Variants in SCAF8 observed in about 807,000 individuals in gnomAD.
SCAF8 encodes SR-related and CTD-associated factor 8.
A neutral mutation model predicts 140.5 loss-of-function variants in SCAF8; 23 were observed. The observed-to-expected ratio is 0.16, with a 90% CI of 0.12 to 0.23. The LOEUF (loss-of-function observed/expected upper bound fraction) is 0.23, where lower values mean the gene tolerates loss of function less well. Among genes scored for constraint, SCAF8 ranks in the 10% least tolerant of loss-of-function variants. The pLI is 1.00. For synonymous variants in SCAF8, 575 were observed against 528.9 expected (o/e 1.09, Z -1.20); for missense variants, 1,397 against 1,555.7 (o/e 0.90, Z 1.72).
At chr6:154,807,947 G>A (rs1312987411) in intron 9 of SCAF8, 123 bp from the exon 10 acceptor site, 1 of 774,842 alleles carries the variant, frequency 1.3e-6, no homozygotes, top group Non-Finnish European at 2.0e-6. Flanking sequence ...ATTTAACATG[G>A]AATTTCTTTT....
chr6:154,827,837 G>GT (rs1241733573), intron 18 of SCAF8, among the ~76,000 whole-genome samples: 1 of 148,276 alleles, frequency 6.7e-6, no homozygotes, highest in Non-Finnish European at 1.5e-5. Flanking sequence ...GGCGGGGCGG[G>GT]GGGGGGGGCG....
intron 1 of SCAF8, among the ~76,000 whole-genome samples, chr6:154,739,618 T>A (rs1236129250): frequency 6.6e-6 from 1 of 152,250 alleles, no homozygotes; most frequent in East Asian, 1.9e-4. Context: ...TACCTTTAGT[T>A]ATATTTAGGA....
At chr6:154,760,304 A>C (rs1583010075) in intron 1 of SCAF8, among the ~76,000 whole-genome samples, 1 of 152,258 alleles carries the variant, frequency 6.6e-6, no homozygotes, top group East Asian at 1.9e-4. Context: ...TAAATAGATA[A>C]AATAAAATTC....
chr6:154,825,756 T>C (rs1265233867), intron 17 of SCAF8, among the ~76,000 whole-genome samples: 1 of 151,264 alleles, frequency 6.6e-6, no homozygotes, highest in African/African-American at 2.4e-5. Flanking sequence ...GCAAGTGATC[T>C]TCCCACCTCA....
intron 1 of SCAF8, among the ~76,000 whole-genome samples, chr6:154,757,412 A>G (rs976973360): frequency 6.6e-6 from 1 of 152,230 alleles, no homozygotes; most frequent in African/African-American, 2.4e-5. Flanking sequence ...ATCATCAGTT[A>G]TGGCTTTGGC....
intron 1 of SCAF8, among the ~76,000 whole-genome samples, chr6:154,736,318 T>A (rs1778419670): frequency 7.0e-6 from 1 of 143,546 alleles, no homozygotes. Flanking sequence ...TTGCCCAGGC[T>A]GGAGTGCAAT....
At chr6:154,820,051 T>C (rs112616642) in intron 14 of SCAF8, 126 bp from the exon 15 acceptor site, 1 of 672,358 alleles carries the variant, frequency 1.5e-6, no homozygotes. Flanking sequence ...AGCTTTGCTT[T>C]TCCAGCTGTT....
intron 2 of SCAF8, among the ~76,000 whole-genome samples, chr6:154,775,676 A>T (rs1776896053): frequency 6.6e-6 from 1 of 152,170 alleles, no homozygotes; most frequent in Admixed American, 6.5e-5. Context: ...AGGCTGAGGC[A>T]GGAGGATCAC....
chr6:154,779,781 G>GTGTGTA (rs1212419688), intron 3 of SCAF8, among the ~76,000 whole-genome samples: 2 of 144,174 alleles, frequency 1.4e-5, no homozygotes, highest in Admixed American at 7.0e-5. Context: ...GTGTGTGTGT[G>GTGTGTA]TATATATATA....
chr6:154,795,512 G>A (rs1360645957), intron 6 of SCAF8, among the ~76,000 whole-genome samples: 3 of 152,188 alleles, frequency 2.0e-5, no homozygotes, highest in Non-Finnish European at 4.4e-5. Context: ...AGTGATTAAT[G>A]ACATTAAGAA....
At chr6:154,769,042 G>A (rs565685101) in intron 1 of SCAF8, among the ~76,000 whole-genome samples, 1 of 134,116 alleles carries the variant, frequency 7.5e-6, no homozygotes, top group Non-Finnish European at 1.6e-5. Flanking sequence ...CAGCGTGGGC[G>A]ACAGAGTGAG....
chr6:154,737,806 C>T (rs953666994), intron 1 of SCAF8, among the ~76,000 whole-genome samples: 1 of 152,098 alleles, frequency 6.6e-6, no homozygotes, highest in African/African-American at 2.4e-5. Context: ...TGGTCATGAA[C>T]TCCTGAGCTC....
chr6:154,767,866 G>A (rs1321261470), intron 1 of SCAF8, among the ~76,000 whole-genome samples: 1 of 151,980 alleles, frequency 6.6e-6, no homozygotes, highest in Non-Finnish European at 1.5e-5. Context: ...CATTTTTTAA[G>A]CCATACTTCT....
chr6:154,812,383 A>G (rs1417696452), intron 12 of SCAF8, among the ~76,000 whole-genome samples: 2 of 148,452 alleles, frequency 1.3e-5, no homozygotes, highest in Non-Finnish European at 3.0e-5. Flanking sequence ...CACACTTAAT[A>G]GGTTACAGTG....
chr6:154,795,822 G>A (rs1777584949), intron 6 of SCAF8, among the ~76,000 whole-genome samples: 1 of 152,016 alleles, frequency 6.6e-6, no homozygotes, highest in African/African-American at 2.4e-5. Flanking sequence ...ATAATACCAG[G>A]TTTTTCCATT....
intron 11 of SCAF8, among the ~76,000 whole-genome samples, chr6:154,809,412 G>T (rs1049553582): frequency 1.3e-5 from 2 of 152,084 alleles, no homozygotes; most frequent in Non-Finnish European, 2.9e-5. Flanking sequence ...TATTGCAAAT[G>T]AGAGCCTGTC....
intron 3 of SCAF8, among the ~76,000 whole-genome samples, chr6:154,787,334 G>A (rs964086695): frequency 3.9e-5 from 6 of 152,220 alleles, no homozygotes; most frequent in Non-Finnish European, 7.3e-5. Flanking sequence ...CTCCAGGCTG[G>A]ATGACATAGG....
At chr6:154,742,698 A>G (rs1479990781) in intron 1 of SCAF8, among the ~76,000 whole-genome samples, 1 of 151,644 alleles carries the variant, frequency 6.6e-6, no homozygotes. Context: ...ATGTATTAAA[A>G]TACCTATTAT....
chr6:154,761,822 G>A (rs1220670267), intron 1 of SCAF8, among the ~76,000 whole-genome samples: 8 of 151,928 alleles, frequency 5.3e-5, no homozygotes, highest in South Asian at 2.1e-4. Context: ...ACTATTTGTC[G>A]TATTATTTTA....
Sources: allele counts gnomAD v4.1 joint callset (sites outside exome capture counted in the v4.1 genomes callset), GRCh38; gene constraint gnomAD v4.1.1; transcripts MANE v1.5; gene names NCBI Gene and HGNC (gene_info 2026-07-23, HGNC 2026-07-21).